Variants in PCDHGA5 observed in about 807,000 individuals in gnomAD.
The protein encoded by PCDHGA5 is protocadherin gamma subfamily A, 5, also known as protocadherin gamma-A5.
PCDHGA5 carries 36 observed loss-of-function variants against 56.7 expected under a neutral mutation model. That is an observed-to-expected ratio of 0.64 (90% confidence interval 0.49 to 0.84). The LOEUF (loss-of-function observed/expected upper bound fraction) is 0.84, where lower values mean the gene tolerates loss of function less well. Among genes scored for constraint, PCDHGA5 ranks in the 40% least tolerant of loss-of-function variants. PCDHGA5 has a pLI of 0.00. For missense variants in PCDHGA5, 1,305 were observed against 1,201.5 expected (o/e 1.09, Z -1.27); for synonymous variants, 563 against 520.2 (o/e 1.08, Z -1.12).
chr5:141,419,715 TG>T (rs754309862), intron 1 of PCDHGA5: 1 of 1,613,288 alleles, frequency 6.2e-7, no homozygotes, highest in South Asian at 1.1e-5. Flanking sequence ...CTCTTCAGCC[TG>T]GGGCTGCGAA....
At chr5:141,423,833 T>A in intron 1 of PCDHGA5, 1 of 1,262,398 alleles carries the variant, frequency 7.9e-7, no homozygotes, top group Non-Finnish European at 1.0e-6. Context: ...TTCATGAGAT[T>A]ACGATAATCT....
In PCDHGA5 at chr5:141,512,243, C is replaced by T. The variant is rs1205585993; in HGVS notation, c.*1070C>T. ...AGGTCCCCTTGAGAGGTCAGAGGGG[C>T]CTCTGTGGGTGCTGGGTACTCCAGA... On this transcript the variant is annotated 3_prime_UTR_variant, in exon 4 of 4. Transcript: ENST00000518069. 2 of 152,728 alleles carry T rather than the reference C, an allele frequency of 1.3e-5. No homozygotes were observed. The highest frequency in any genetic ancestry group is 1.5e-5 in the Non-Finnish European group (1 of 68,138). 9.5% of individuals were successfully genotyped at this position (152,728 alleles called of 1,614,324 possible).
intron 2 of PCDHGA5, among the ~76,000 whole-genome samples, chr5:141,505,172 A>C (rs1336105711): frequency 6.6e-6 from 1 of 152,178 alleles, no homozygotes; most frequent in Non-Finnish European, 1.5e-5. Context: ...AAACAAAAAG[A>C]AAAAAGCATC....
chr5:141,501,947 T>A (rs2099811963), intron 2 of PCDHGA5, among the ~76,000 whole-genome samples: 1 of 152,152 alleles, frequency 6.6e-6, no homozygotes, highest in Non-Finnish European at 1.5e-5. Context: ...CTGCTCCCTG[T>A]GACAGGTCAT....
chr5:141,364,257 C>T lies in PCDHGA5; in HGVS notation c.-74C>T. On this transcript the variant is annotated 5_prime_UTR_variant, in exon 1 of 4. Coordinates refer to ENST00000518069, the MANE Select transcript of PCDHGA5 (RefSeq NM_018918.3). ...GCCCATTTTCGTCAGGGAATATGTA[C>T]CCATCGGCTTTAGATAAATAAGGAA... is the stretch of plus-strand genomic sequence containing the variant. 6.7e-7 allele frequency: 1 copy of T among 1,495,330 alleles called. No individual in the cohort carries two copies. Among genetic ancestry groups the T allele is most frequent in the Non-Finnish European group, 8.9e-7 (1 of 1,120,004 alleles). 92.6% of individuals were successfully genotyped at this position (1,495,330 alleles called of 1,614,324 possible).
rs2099183566 is a variant in PCDHGA5, at chr5:141,468,861, A to G, written c.2422-25946A>G. 3.9e-5 allele frequency among the ~76,000 whole-genome samples: 6 copies of G among 152,168 alleles called. No homozygotes were observed. In the South Asian group the frequency reaches 1.2e-3, roughly 32 times the overall value. On this transcript the variant is annotated intron_variant, in intron 1 of 3. Coordinates refer to ENST00000518069, the MANE Select transcript of PCDHGA5 (RefSeq NM_018918.3). ...AGCCTGGGCAACAGAGCGAGACTCCATCTCAAAAATAATAATAATAATAAT... is the reference window on the plus strand; with the variant it reads ...AGCCTGGGCAACAGAGCGAGACTCCGTCTCAAAAATAATAATAATAATAAT...
rs765353257 is a variant in PCDHGA5 at position 141,431,824 on chromosome 5, G to A, written c.2422-62983G>A. On this transcript the variant is annotated intron_variant, in intron 1 of 3. Coordinates refer to ENST00000518069, the MANE Select transcript of PCDHGA5 (RefSeq NM_018918.3). The surrounding 1 kb of genome is among the most constrained non-coding windows in gnomAD (Gnocchi z 4.8). ...TGGTCCTCACCTCTCTCGCCAGCTC[G>A]GTTCCCGAAAACTCTCCCAGAGGGA... is the stretch of plus-strand genomic sequence containing the variant. The A allele has an allele frequency of 1.3e-5, 21 of 1,614,092 alleles. No homozygotes were observed. In the South Asian group the frequency reaches 2.1e-4, roughly 16 times the overall value.
chr5:141,364,723 G>T lies in PCDHGA5; in HGVS notation c.393G>T (p.Pro131=). ...TAATCGATATTAATGATAACTTCCCGCGTTTCCGGGATGAAGAGTTAAAAG... is the reference window on the plus strand; with the variant it reads ...TAATCGATATTAATGATAACTTCCCTCGTTTCCGGGATGAAGAGTTAAAAG... ...VEIIDINDNF[P]RFRDEELKVK... Residue 131 remains proline (P), a synonymous_variant, in exon 1 of 4, where the codon CCG becomes CCT. Coordinates refer to ENST00000518069, the MANE Select transcript of PCDHGA5 (RefSeq NM_018918.3). 1 of 1,613,938 alleles carries T rather than the reference G, an allele frequency of 6.2e-7. No individual in the cohort carries two copies. Among genetic ancestry groups the T allele is most frequent in the Non-Finnish European group, 8.5e-7 (1 of 1,179,850 alleles).
At chr5:141,463,847 G>T (rs922334975) in intron 1 of PCDHGA5, among the ~76,000 whole-genome samples, 9 of 152,158 alleles carry the variant, frequency 5.9e-5, no homozygotes, top group African/African-American at 2.2e-4. Context: ...TGTTATAGTG[G>T]TATATCTGGT....
chr5:141,444,710 T>A (rs2098445001), intron 1 of PCDHGA5, among the ~76,000 whole-genome samples: 1 of 152,236 alleles, frequency 6.6e-6, no homozygotes, highest in Admixed American at 6.5e-5. Flanking sequence ...TTCTGTTGAA[T>A]TTGCTTGGTG....
intron 1 of PCDHGA5, among the ~76,000 whole-genome samples, chr5:141,488,398 A>T (rs2099675065): frequency 6.6e-6 from 1 of 152,192 alleles, no homozygotes; most frequent in African/African-American, 2.4e-5. Flanking sequence ...GAAACCATGA[A>T]ACCTAGAAGC....
At chr5:141,449,264 C>CTG (rs2098633558) in intron 1 of PCDHGA5, among the ~76,000 whole-genome samples, 1 of 152,056 alleles carries the variant, frequency 6.6e-6, no homozygotes, top group African/African-American at 2.4e-5. Context: ...GTACAAAGAA[C>CTG]TGTATCTCCT....
chr5:141,402,563 T>C (rs2094279860), intron 1 of PCDHGA5, among the ~76,000 whole-genome samples: 1 of 152,232 alleles, frequency 6.6e-6, no homozygotes, highest in African/African-American at 2.4e-5. Flanking sequence ...TTCCACTTTA[T>C]TTACAACTCA....
At chr5:141,387,770 T>A in intron 1 of PCDHGA5, 1 of 1,438,412 alleles carries the variant, frequency 7.0e-7, no homozygotes, top group Non-Finnish European at 9.2e-7. Flanking sequence ...AAGAATTTTT[T>A]CTTGAACTGG....
In PCDHGA5 at chr5:141,474,831, G is replaced by A. The variant is rs188288898; in HGVS notation, c.2422-19976G>A. On this transcript the variant is annotated intron_variant, in intron 1 of 3. Coordinates refer to ENST00000518069, the MANE Select transcript of PCDHGA5 (RefSeq NM_018918.3). ...CATCATTAATTGAGGCTTACTCTGTGCCAGGCACTTTACCTGCCTTCTTCA... is the reference window on the plus strand; with the variant it reads ...CATCATTAATTGAGGCTTACTCTGTACCAGGCACTTTACCTGCCTTCTTCA... 5.3e-5 allele frequency among the ~76,000 whole-genome samples: 8 copies of A among 152,350 alleles called. No individual in the cohort carries two copies. The East Asian group carries it at 1.5e-3, about 29-fold the overall frequency.
Position 141,477,161 on chromosome 5 carries a change from G to A in PCDHGA5, c.2422-17646G>A, listed in dbSNP as rs761453939. On this transcript the variant is annotated intron_variant, in intron 1 of 3. Transcript: ENST00000518069. The surrounding 1 kb of genome is among the most constrained non-coding windows in gnomAD (Gnocchi z 4.9). ...GGAGGTTGTGGATGTGAATGACAAC[G>A]CCCCGGAGATCACAGTCACCTCCGT... 1.9e-6 allele frequency: 3 copies of A among 1,613,988 alleles called. No individual in the cohort carries two copies. The highest frequency in any genetic ancestry group is 2.7e-5 in the African/African-American group (2 of 74,904).
chr5:141,393,739 A>G (rs1589203711), intron 1 of PCDHGA5: 1 of 1,613,800 alleles, frequency 6.2e-7, no homozygotes, highest in Non-Finnish European at 8.5e-7. Flanking sequence ...AGTCTAGATT[A>G]TGAAGAATGT....
At chr5:141,465,757 T>C (rs2099108578) in intron 1 of PCDHGA5, among the ~76,000 whole-genome samples, 1 of 152,046 alleles carries the variant, frequency 6.6e-6, no homozygotes, top group South Asian at 2.1e-4. Context: ...ACTGGTAAAG[T>C]CATGTTTCAT....
At chr5:141,395,067 A>G (rs1200049263) in intron 1 of PCDHGA5, 4 of 1,613,888 alleles carry the variant, frequency 2.5e-6, no homozygotes, top group South Asian at 1.1e-5. Context: ...TTTCCTGCAG[A>G]CCTATTCCCA....
Sources: gnomAD v4.1 joint callset for allele counts (sites outside exome capture counted in the v4.1 genomes callset) on GRCh38, gnomAD v4.1.1 for gene constraint, Gnocchi (gnomAD v3.1) non-coding constraint, MANE v1.5 for transcripts, NCBI Gene and HGNC (gene_info 2026-07-23, HGNC 2026-07-21) for gene names.